Variants in NOS1AP observed in about 807,000 individuals in gnomAD.
NOS1AP encodes carboxyl-terminal PDZ ligand of neuronal nitric oxide synthase protein.
Under a neutral mutation model 56.2 loss-of-function variants are expected in NOS1AP, and 21 were observed. The observed-to-expected ratio is 0.37, with a 90% CI of 0.26 to 0.54. The LOEUF (loss-of-function observed/expected upper bound fraction) is 0.54. Among genes scored for constraint, NOS1AP ranks in the 20% least tolerant of loss-of-function variants. NOS1AP has a pLI of 0.84. For missense variants in NOS1AP, 522 were observed against 657.8 expected, an observed-to-expected ratio of 0.79 and a Z score of 2.26; for synonymous variants, 270 against 274.6, an observed-to-expected ratio of 0.98 and a Z score of 0.17.
chr1:162,249,086 G>A (rs945812706), intron 2 of NOS1AP, among the ~76,000 whole-genome samples: 6 of 152,116 alleles, frequency 3.9e-5, no homozygotes, highest in African/African-American at 1.2e-4. Context: ...GGATCAGCGT[G>A]GGGGAGCAAG....
At chr1:162,199,141 G>T (rs2102164023) in intron 2 of NOS1AP, among the ~76,000 whole-genome samples, 1 of 152,270 alleles carries the variant, frequency 6.6e-6, no homozygotes. Context: ...AATGTAACTT[G>T]CACTGACCAT....
At chr1:162,106,416 A>T (rs994577857) in intron 1 of NOS1AP, among the ~76,000 whole-genome samples, 2 of 152,138 alleles carry the variant, frequency 1.3e-5, no homozygotes, top group Non-Finnish European at 2.9e-5. Flanking sequence ...GCTGCTTCCA[A>T]TCGACCCAAT....
intron 2 of NOS1AP, 139 bp downstream of exon 2, chr1:162,154,615 G>T: frequency 1.5e-6 from 1 of 679,892 alleles, no homozygotes; most frequent in Non-Finnish European, 2.6e-6. Flanking sequence ...TACCCTCTAG[G>T]TAGCTGTTCT....
intron 2 of NOS1AP, among the ~76,000 whole-genome samples, chr1:162,272,356 G>A (rs1042177814): frequency 3.3e-5 from 5 of 152,112 alleles, no homozygotes; most frequent in African/African-American, 1.2e-4. Flanking sequence ...TGGGAATCCT[G>A]CTGCATGTAT....
intron 4 of NOS1AP, among the ~76,000 whole-genome samples, chr1:162,319,051 G>C (rs1006057809): frequency 1.3e-5 from 2 of 152,164 alleles, no homozygotes; most frequent in African/African-American, 4.8e-5. Flanking sequence ...GGGTTGGTTT[G>C]TCTGGCTGCA....
chr1:162,081,271 T>C (rs892121981), intron 1 of NOS1AP, among the ~76,000 whole-genome samples: 2 of 152,180 alleles, frequency 1.3e-5, no homozygotes, highest in Admixed American at 6.5e-5. Flanking sequence ...GTCCTTTCCA[T>C]TGTGGCTATG....
intron 1 of NOS1AP, among the ~76,000 whole-genome samples, chr1:162,124,787 T>C (rs1013975464): frequency 2.0e-5 from 3 of 152,118 alleles, no homozygotes; most frequent in Admixed American, 6.5e-5. Context: ...CCTCCCAAAG[T>C]GCTGGGATTA....
At chr1:162,191,975 T>C (rs562091061) in intron 2 of NOS1AP, among the ~76,000 whole-genome samples, 1 of 152,294 alleles carries the variant, frequency 6.6e-6, no homozygotes, top group East Asian at 1.9e-4. Flanking sequence ...CCCTGGAAGA[T>C]AAGGGACTTG....
In NOS1AP at chr1:162,287,364, C is replaced by G. The variant is rs769708253; in HGVS notation, c.198C>G (p.Asn66Lys). ...TGCAGTATGAGTTTAAAGCCAAGAA[C>G]ATCAAGAAGAAGAAAGTGAGCATTA... The part of the protein sequence containing the change: ...RRIRYEFKAK[N>K]IKKKKVSIMV... The change falls in exon 3 of 10, where the codon AAC becomes AAG. Residue 66 changes from asparagine (N) to lysine (K), a missense_variant. Asn to Lys is a moderately conservative substitution (Grantham distance 94). This residue lies in a region of NOS1AP where 132 missense variants were observed against 218.1 expected (regional missense o/e 0.61). Coordinates refer to ENST00000361897, the MANE Select transcript of NOS1AP (RefSeq NM_014697.3). 2 of 1,612,172 alleles carry G rather than the reference C, an allele frequency of 1.2e-6. No individual in the cohort carries two copies. Among genetic ancestry groups the G allele is most frequent in the South Asian group, 2.2e-5 (2 of 91,048 alleles).
rs189581868 is a variant in NOS1AP at position 162,215,332 on chromosome 1, A to C, written c.177+60856A>C. Reference sequence around the variant, plus strand: ...GGTCATGCCACTCCCTGCTTTTAGAAACTGGCTTGCTGGGTGGGCCACACT... The same window carrying C: ...GGTCATGCCACTCCCTGCTTTTAGACACTGGCTTGCTGGGTGGGCCACACT... On this transcript the variant is annotated intron_variant, in intron 2 of 9. Coordinates refer to ENST00000361897, the MANE Select transcript of NOS1AP (RefSeq NM_014697.3). Among the ~76,000 whole-genome samples the C allele has an allele frequency of 2.5e-3, 379 of 152,280 alleles. 3 individuals carry two copies. Among genetic ancestry groups the C allele is most frequent in the African/African-American group, 8.7e-3 (362 of 41,560 alleles).
intron 2 of NOS1AP, among the ~76,000 whole-genome samples, chr1:162,202,683 G>A (rs1329008332): frequency 2.0e-5 from 3 of 152,044 alleles, no homozygotes; most frequent in African/African-American, 7.2e-5. Flanking sequence ...ATTTTGTCAG[G>A]TTAAAGTATA....
chr1:162,243,610 A>G (rs116459332), intron 2 of NOS1AP, among the ~76,000 whole-genome samples: 19 of 152,118 alleles, frequency 1.2e-4, no homozygotes, highest in Non-Finnish European at 2.5e-4. Flanking sequence ...TTAACCCATC[A>G]ATTATGGTGG....
At chr1:162,298,681 T>C (rs986554893) in intron 3 of NOS1AP, among the ~76,000 whole-genome samples, 1 of 151,962 alleles carries the variant, frequency 6.6e-6, no homozygotes, top group African/African-American at 2.4e-5. Context: ...ATGAGGAAAA[T>C]CTCAACTTCT....
At chr1:162,146,872 T>A (rs992633094) in intron 1 of NOS1AP, among the ~76,000 whole-genome samples, 1 of 152,206 alleles carries the variant, frequency 6.6e-6, no homozygotes, top group Admixed American at 6.5e-5. Flanking sequence ...GAACTAACAT[T>A]CACAGTTTAT....
chr1:162,070,245 A>G lies in NOS1AP; in HGVS notation c.68A>G (p.Glu23Gly). The G allele has an allele frequency of 6.2e-7, 1 of 1,613,998 alleles. No homozygotes were observed. The highest frequency in any genetic ancestry group is 8.5e-7 in the Non-Finnish European group (1 of 1,179,928). The part of the protein sequence containing the change: ...GHDLRIPLHN[E>G]DAFQHGICFE... ...GACCTGCGGATCCCCTTGCACAACGAGGACGCCTTCCAGCACGGCATCTGC... is the reference window on the plus strand; with the variant it reads ...GACCTGCGGATCCCCTTGCACAACGGGGACGCCTTCCAGCACGGCATCTGC... The change falls in exon 1 of 10, where the codon GAG becomes GGG. Residue 23 changes from glutamate to glycine, a missense_variant. This residue lies in a region of NOS1AP where 132 missense variants were observed against 218.1 expected (regional missense o/e 0.61). Transcript: ENST00000361897.
At chr1:162,295,996 TC>T (rs892935090) in intron 3 of NOS1AP, among the ~76,000 whole-genome samples, 6 of 152,090 alleles carry the variant, frequency 3.9e-5, no homozygotes, top group African/African-American at 1.4e-4. Flanking sequence ...GTTAAAAAGC[TC>T]CAACAGTGGC....
At chr1:162,274,861 C>T (rs1654689208) in intron 2 of NOS1AP, among the ~76,000 whole-genome samples, 1 of 152,306 alleles carries the variant, frequency 6.6e-6, no homozygotes, top group Admixed American at 6.5e-5. Flanking sequence ...CAATATATCC[C>T]CTTTAATCAA....
intron 5 of NOS1AP, among the ~76,000 whole-genome samples, chr1:162,338,043 A>G (rs150572607): frequency 8.1e-4 from 123 of 152,338 alleles, no homozygotes; most frequent in African/African-American, 2.6e-3. Context: ...CCAAAAAAAT[A>G]CATTAAAGAA....
intron 2 of NOS1AP, among the ~76,000 whole-genome samples, chr1:162,158,292 G>T (rs1345804367): frequency 3.9e-5 from 6 of 152,086 alleles, no homozygotes; most frequent in African/African-American, 1.4e-4. Flanking sequence ...TGTCATCAAG[G>T]TTCATCCATG....
Sources: allele counts gnomAD v4.1 joint callset (sites outside exome capture counted in the v4.1 genomes callset), GRCh38; gene constraint gnomAD v4.1.1; regional missense constraint gnomAD v4.1.1; transcripts MANE v1.5; gene names NCBI Gene and HGNC (gene_info 2026-07-23, HGNC 2026-07-21).